The following CAMTA1 variants were observed in gnomAD, a reference collection of about 807,000 sequenced individuals.
CAMTA1 encodes the protein calmodulin-binding transcription activator 1.
Under a neutral mutation model 170.9 loss-of-function variants are expected in CAMTA1, and 27 were observed. The observed-to-expected ratio is 0.16, with a 90% confidence interval of 0.12 to 0.22. CAMTA1 has a LOEUF of 0.22. CAMTA1 is among the 10% of genes least tolerant of loss of function. The probability of loss-of-function intolerance (pLI) is 1.00; values close to 1 mark genes in which losing one functional copy is unlikely to be tolerated. For synonymous variants in CAMTA1, 833 were observed against 891.5 expected (o/e 0.93, Z 1.17); for missense variants, 1,619 against 2,217.2 (o/e 0.73, Z 5.42).
intron 5 of CAMTA1, among the ~76,000 whole-genome samples, chr1:7,402,686 A>G (rs1213487271): frequency 6.6e-6 from 1 of 152,224 alleles, no homozygotes; most frequent in African/African-American, 2.4e-5. Flanking sequence ...TGGGTTTGAC[A>G]GTGAACATGA....
chr1:6,938,571 A>T (rs1294459782), intron 3 of CAMTA1, among the ~76,000 whole-genome samples: 1 of 152,116 alleles, frequency 6.6e-6, no homozygotes, highest in Admixed American at 6.5e-5. Context: ...CTCCTGGGCT[A>T]TGTGAGCAGC....
intron 4 of CAMTA1, among the ~76,000 whole-genome samples, chr1:7,168,945 T>A (rs1261168731): frequency 6.6e-6 from 1 of 152,148 alleles, no homozygotes; most frequent in Non-Finnish European, 1.5e-5. Flanking sequence ...ATAAACTCTT[T>A]ATTAGATCAA....
intron 4 of CAMTA1, among the ~76,000 whole-genome samples, chr1:7,199,050 C>A (rs1287373795): frequency 1.3e-5 from 2 of 152,162 alleles, no homozygotes; most frequent in African/African-American, 2.4e-5. Context: ...AGGTGTTTGT[C>A]TTTTCCCCCC....
chr1:7,492,072 T>G (rs1280000710), intron 6 of CAMTA1, among the ~76,000 whole-genome samples: 1 of 152,108 alleles, frequency 6.6e-6, no homozygotes, highest in Non-Finnish European at 1.5e-5. Flanking sequence ...AGGAAACCTG[T>G]CTAGGATGGG....
Position 7,580,481 on chromosome 1 carries a change from A to C in CAMTA1, c.511-59919A>C, listed in dbSNP as rs2095250587. Among the ~76,000 whole-genome samples the C allele has an allele frequency of 6.6e-6, 1 of 152,158 alleles. No individual in the cohort carries two copies. On this transcript the variant is annotated intron_variant, in intron 6 of 22. Transcript: ENST00000303635. The surrounding 1 kb of genome is among the most constrained non-coding windows in gnomAD (Gnocchi z 4.3). Reference sequence around the variant, plus strand: ...AGGGGTAGTGTGCCCCACTTTGGGCATGGAAGACATCATGGAGACCTCAGA... The same window carrying C: ...AGGGGTAGTGTGCCCCACTTTGGGCCTGGAAGACATCATGGAGACCTCAGA...
At chr1:6,815,269 G>T (rs1645651820) in intron 1 of CAMTA1, among the ~76,000 whole-genome samples, 1 of 151,260 alleles carries the variant, frequency 6.6e-6, no homozygotes, top group African/African-American at 2.4e-5. Flanking sequence ...CAGTAGTGCT[G>T]TCATGGCTCA....
At chr1:7,061,210 C>T (rs1320603950) in intron 3 of CAMTA1, among the ~76,000 whole-genome samples, 5 of 152,206 alleles carry the variant, frequency 3.3e-5, no homozygotes, top group Admixed American at 2.0e-4. Flanking sequence ...TAACCAAGCT[C>T]CCCCCTCCAC....
At chr1:7,125,635 T>C (rs1479039889) in intron 4 of CAMTA1, among the ~76,000 whole-genome samples, 1 of 151,718 alleles carries the variant, frequency 6.6e-6, no homozygotes. Flanking sequence ...GCATTTCAGG[T>C]GGGAAACAGG....
intron 5 of CAMTA1, among the ~76,000 whole-genome samples, chr1:7,447,677 C>G (rs2092714385): frequency 6.6e-6 from 1 of 152,074 alleles, no homozygotes; most frequent in African/African-American, 2.4e-5. Context: ...ACGGGCCTCC[C>G]AGCCCTGTGT....
In CAMTA1 at chr1:6,824,809, A is replaced by G. The variant is rs980746563; in HGVS notation, c.116-283A>G. On this transcript the variant is annotated intron_variant, in intron 2 of 22. Transcript: ENST00000303635. ...TCAAAACATGGGGAAAGAACCTTTT[A>G]AAATAACTTTCGGTTATGGGCAGCT... Among the ~76,000 whole-genome samples the G allele has an allele frequency of 9.9e-5, 15 of 152,204 alleles. No individual in the cohort carries two copies. The East Asian group carries it at 2.7e-3, about 27-fold the overall frequency.
At chr1:7,444,926 A>G (rs182521479) in intron 5 of CAMTA1, among the ~76,000 whole-genome samples, 1 of 152,282 alleles carries the variant, frequency 6.6e-6, no homozygotes, top group Non-Finnish European at 1.5e-5. Flanking sequence ...TGAGTGTGAC[A>G]TGTTCCTGCT....
intron 3 of CAMTA1, among the ~76,000 whole-genome samples, chr1:7,060,253 T>C (rs1462344873): frequency 1.3e-5 from 2 of 152,150 alleles, no homozygotes; most frequent in African/African-American, 2.4e-5. Flanking sequence ...AAGACATCAA[T>C]AGGGTTGGGC....
intron 6 of CAMTA1, among the ~76,000 whole-genome samples, chr1:7,616,133 A>G (rs746467197): frequency 5.3e-5 from 8 of 152,258 alleles, no homozygotes; most frequent in Non-Finnish European, 8.8e-5. Context: ...TTCCCCAGCT[A>G]TAATTTTCCT....
At chr1:7,491,122 T>C (rs1283517401) in intron 6 of CAMTA1, among the ~76,000 whole-genome samples, 2 of 152,186 alleles carry the variant, frequency 1.3e-5, no homozygotes, top group Admixed American at 1.3e-4. Flanking sequence ...CCTCCACATC[T>C]GAACTCCTCC....
chr1:7,435,571 G>C lies in CAMTA1; in HGVS notation c.439-32259G>C, dbSNP rs78791502. On this transcript the variant is annotated intron_variant, in intron 5 of 22. Coordinates refer to ENST00000303635, the MANE Select transcript of CAMTA1 (RefSeq NM_015215.4). This position sits in a 1 kb window ranked among gnomAD's most constrained non-coding sequence, Gnocchi z 4.4. ...AGGGTTCTCAGCCTGGTTCACTGTG[G>C]TGGCAGTGGAGCGCAGTCCCCATGC... is the stretch of plus-strand genomic sequence containing the variant. 0.027 allele frequency among the ~76,000 whole-genome samples: 4,082 copies of C among 152,328 alleles called. 181 individuals are homozygous for C. The highest frequency in any genetic ancestry group is 0.093 in the African/African-American group (3,853 of 41,564).
intron 9 of CAMTA1, among the ~76,000 whole-genome samples, chr1:7,668,366 C>G (rs2096019374): frequency 6.6e-6 from 1 of 150,896 alleles, no homozygotes; most frequent in African/African-American, 2.4e-5. Context: ...CACCCCTTCA[C>G]CTCCAGCTGC....
At position 7,248,154 on chromosome 1, in the gene CAMTA1, T is replaced by C. The variant is rs552981426; in HGVS notation, c.303-1337T>C. Among the ~76,000 whole-genome samples, 6 of 152,304 alleles carry C rather than the reference T, an allele frequency of 3.9e-5. No individual in the cohort carries two copies. The highest frequency in any genetic ancestry group is 1.4e-4 in the African/African-American group (6 of 41,572). ...CAGTCACCCTGGTGGGACTGTTTTT[T>C]TCCCCCCAGACAATAGAATATGAAG... is the stretch of plus-strand genomic sequence containing the variant. On this transcript the variant is annotated intron_variant, in intron 4 of 22. Transcript: ENST00000303635. The surrounding 1 kb of genome is among the most constrained non-coding windows in gnomAD (Gnocchi z 4.0).
intron 3 of CAMTA1, among the ~76,000 whole-genome samples, chr1:7,028,716 C>T (rs1702353205): frequency 6.6e-6 from 1 of 152,164 alleles, no homozygotes; most frequent in African/African-American, 2.4e-5. Context: ...ACCCCACAGC[C>T]CTGCTTTAGA....
intron 3 of CAMTA1, among the ~76,000 whole-genome samples, chr1:6,998,887 T>TA (rs1341423616): frequency 7.2e-5 from 11 of 152,376 alleles, no homozygotes; most frequent in Admixed American, 2.0e-4. Flanking sequence ...AATATTCATT[T>TA]ATTCATTTCT....
Sources: gnomAD v4.1 joint callset for allele counts (sites outside exome capture counted in the v4.1 genomes callset) on GRCh38, gnomAD v4.1.1 for gene constraint, Gnocchi (gnomAD v3.1) non-coding constraint, MANE v1.5 for transcripts, NCBI Gene and HGNC (gene_info 2026-07-23, HGNC 2026-07-21) for gene names.